The following COPG1 variants were observed in gnomAD, a reference collection of about 807,000 sequenced individuals.
COPG1 encodes coatomer subunit gamma-1.
A neutral mutation model predicts 102.8 loss-of-function variants in COPG1; 29 were observed. The observed-to-expected ratio is 0.28, with a 90% confidence interval of 0.21 to 0.38. COPG1 has a LOEUF of 0.38. Ranked by LOEUF, COPG1 falls within the 10% of genes least tolerant of loss-of-function variation. The pLI is 1.00. For synonymous variants in COPG1, 406 were observed against 421.6 expected (o/e 0.96, Z 0.45); for missense variants, 875 against 1,132.7 (o/e 0.77, Z 3.27).
In COPG1 at chr3:129,257,538, C is replaced by T. The variant is rs773819629; in HGVS notation, c.648C>T (p.Ser216=). Residue 216 remains serine (S), a synonymous_variant, in exon 9 of 24, where the codon AGC becomes AGT. Transcript: ENST00000314797. ...NDRLAVNKMI[S]KVTRHGLKSP... is the part of the protein sequence containing the mutation. ...GCCTAGCCGTCAATAAGATGATCAG[C>T]AAGGTCACACGGCATGGCCTTAAGT... The T allele has an allele frequency of 5.9e-5, 96 of 1,614,094 alleles. No homozygotes were observed. Among genetic ancestry groups the T allele is most frequent in the Non-Finnish European group, 7.8e-5 (92 of 1,180,052 alleles).
intron 5 of COPG1, among the ~76,000 whole-genome samples, chr3:129,253,745 C>G (rs1458937398): frequency 6.6e-6 from 1 of 151,410 alleles, no homozygotes; most frequent in Non-Finnish European, 1.5e-5. Flanking sequence ...AGCACTGTAT[C>G]CACAATGTAA....
chr3:129,257,490 G>A lies in COPG1; in HGVS notation c.600G>A (p.Leu200=). ...IMVQYHALGL[L]YHVRKNDRLA... ...TATAGTACCACGCACTAGGGCTCCTGTACCATGTGCGTAAGAATGACCGCC... is the reference window on the plus strand; with the variant it reads ...TATAGTACCACGCACTAGGGCTCCTATACCATGTGCGTAAGAATGACCGCC... The change falls in exon 9 of 24, where the codon CTG becomes CTA. Residue 200 remains leucine, a synonymous_variant. Coordinates refer to ENST00000314797, the MANE Select transcript of COPG1 (RefSeq NM_016128.4). 6.2e-7 allele frequency: 1 copy of A among 1,614,208 alleles called. No individual in the cohort carries two copies. The highest frequency in any genetic ancestry group is 8.5e-7 in the Non-Finnish European group (1 of 1,180,030).
In COPG1 at chr3:129,275,057, C is replaced by G; in HGVS notation, c.2395+81C>G. 6.4e-7 allele frequency: 1 copy of G among 1,551,448 alleles called. No homozygotes were observed. The stretch of plus-strand genomic sequence containing the variant: ...CTATTGAAGTGCTCATCCCTTTTCT[C>G]TCCAAGGATCCAGGGCCATGTCTGG... On this transcript the variant is annotated intron_variant, in intron 22 of 23. Coordinates refer to ENST00000314797, the MANE Select transcript of COPG1 (RefSeq NM_016128.4). The surrounding 1 kb of genome is among the most constrained non-coding windows in gnomAD (Gnocchi z 5.0).
intron 21 of COPG1, chr3:129,273,947 G>A (rs556894423): frequency 1.3e-5 from 6 of 448,218 alleles, no homozygotes; most frequent in South Asian, 7.9e-5. Context: ...GTGGCTCAGG[G>A]CCATCTGAGT....
intron 21 of COPG1, among the ~76,000 whole-genome samples, chr3:129,273,302 G>A (rs187990291): frequency 1.4e-4 from 21 of 152,336 alleles, no homozygotes; most frequent in African/African-American, 5.1e-4. Flanking sequence ...GGGATTACAG[G>A]CGTGAGCCAC....
At chr3:129,258,747 C>T (rs548513712) in intron 10 of COPG1, among the ~76,000 whole-genome samples, 19 of 152,260 alleles carry the variant, frequency 1.2e-4, no homozygotes, top group African/African-American at 4.3e-4. Context: ...TGAGCCACTG[C>T]GCCCAGCCGT....
intron 18 of COPG1, among the ~76,000 whole-genome samples, chr3:129,270,614 C>T (rs1047391677): frequency 5.3e-5 from 8 of 152,128 alleles, no homozygotes; most frequent in Non-Finnish European, 2.9e-5. Context: ...TTTTTATTGC[C>T]TGCATATTCA....
At chr3:129,269,838 A>G (rs920376208) in intron 18 of COPG1, among the ~76,000 whole-genome samples, 1 of 151,760 alleles carries the variant, frequency 6.6e-6, no homozygotes, top group African/African-American at 2.4e-5. Flanking sequence ...ACACATTTAT[A>G]ACCTTATAGC....
chr3:129,277,404 A>G lies in COPG1; in HGVS notation c.2605A>G (p.Ile869Val), dbSNP rs564649632. The change falls in exon 24 of 24, where the codon ATC (isoleucine) becomes GTC (valine). Residue 869 changes from isoleucine (I) to valine (V), a missense_variant. Physicochemically the swap from Ile to Val is conservative, Grantham distance 29. Coordinates refer to ENST00000314797, the MANE Select transcript of COPG1 (RefSeq NM_016128.4). ...RSLEELPVDI[I>V]LASVG The stretch of plus-strand genomic sequence containing the variant: ...TTTGGAGGAGCTGCCAGTAGACATC[A>G]TCTTGGCATCTGTGGGATAAGAGGC... 5 of 1,613,862 alleles carry G rather than the reference A, an allele frequency of 3.1e-6. No homozygotes were observed. The South Asian group carries it at 4.4e-5, about 14-fold the overall frequency.
rs1233061953 is a variant in COPG1 at position 129,260,402 on chromosome 3, T to TA, written c.939+4dup. On this transcript the variant is annotated splice_region_variant and intron_variant, in intron 11 of 23. Transcript: ENST00000314797. ...GCTGCTGTTCGTACCCTCAATAAGG[T>TA]AAGAGTCCAGCTTGGGGGTTGGAGG... 1 of 1,613,864 alleles carries TA rather than the reference T, an allele frequency of 6.2e-7. No individual in the cohort carries two copies. The highest frequency in any genetic ancestry group is 8.5e-7 in the Non-Finnish European group (1 of 1,179,810).
Position 129,277,435 on chromosome 3 carries a change from T to G in COPG1, c.*11T>G. 6.2e-7 allele frequency: 1 copy of G among 1,613,330 alleles called. No homozygotes were observed. Among genetic ancestry groups the G allele is most frequent in the Non-Finnish European group, 8.5e-7 (1 of 1,179,570 alleles). On this transcript the variant is annotated 3_prime_UTR_variant, in exon 24 of 24. Transcript: ENST00000314797. ...GCATCTGTGGGATAAGAGGCCAGCC[T>G]GCATAGGACCTCATACCCTTCCCCA...
At chr3:129,261,495 A>T (rs1018490073) in intron 12 of COPG1, among the ~76,000 whole-genome samples, 2 of 152,200 alleles carry the variant, frequency 1.3e-5, no homozygotes, top group African/African-American at 4.8e-5. Flanking sequence ...TGCAAGGAAG[A>T]CATTGGAAAG....
chr3:129,271,541 G>A lies in COPG1; in HGVS notation c.1844-226G>A, dbSNP rs953103186. ...CTTCTGAGGTCTTTCATGGTACAGA[G>A]ATGGGGAGAGTATTTGTGGGGGGTT... On this transcript the variant is annotated intron_variant, in intron 18 of 23. Coordinates refer to ENST00000314797, the MANE Select transcript of COPG1 (RefSeq NM_016128.4). This position sits in a 1 kb window ranked among gnomAD's most constrained non-coding sequence, Gnocchi z 4.7. Among the ~76,000 whole-genome samples the A allele has an allele frequency of 1.3e-5, 2 of 152,166 alleles. No individual in the cohort carries two copies. The highest frequency in any genetic ancestry group is 4.8e-5 in the African/African-American group (2 of 41,434).
At position 129,271,914 on chromosome 3, in the gene COPG1, G is replaced by T; in HGVS notation, c.1986+5G>T. 1 of 1,613,748 alleles carries T rather than the reference G, an allele frequency of 6.2e-7. No homozygotes were observed. The highest frequency in any genetic ancestry group is 8.5e-7 in the Non-Finnish European group (1 of 1,179,866). On this transcript the variant is annotated splice_donor_5th_base_variant and intron_variant, in intron 19 of 23. Coordinates refer to ENST00000314797, the MANE Select transcript of COPG1 (RefSeq NM_016128.4). The surrounding 1 kb of genome is among the most constrained non-coding windows in gnomAD (Gnocchi z 4.7). Reference sequence around the variant, plus strand: ...ACCAACCACATGGTTTTTCAGGTGAGCAAGGTGGGCTGAGGCCCTGCTGGG... The same window carrying T: ...ACCAACCACATGGTTTTTCAGGTGATCAAGGTGGGCTGAGGCCCTGCTGGG...
intron 7 of COPG1, 90 bp downstream of exon 7, chr3:129,255,167 G>GTTTCTTTC: frequency 3.7e-6 from 3 of 812,828 alleles, no homozygotes. Context: ...AAAAGAAAGT[G>GTTTCTTTC]TTTCTTTCTT....
At chr3:129,273,435 A>C (rs1291804835) in intron 21 of COPG1, among the ~76,000 whole-genome samples, 2 of 152,268 alleles carry the variant, frequency 1.3e-5, no homozygotes, top group Non-Finnish European at 2.9e-5. Flanking sequence ...AACATTACTC[A>C]TAATCCTTAG....
chr3:129,262,013 T>C (rs80036617), intron 12 of COPG1, among the ~76,000 whole-genome samples: 1,903 of 152,272 alleles, frequency 0.012, 30 homozygotes, highest in African/African-American at 0.043. Context: ...TAATATATTG[T>C]GGTAAATTCT....
chr3:129,259,752 A>T (rs1939889073), intron 10 of COPG1, among the ~76,000 whole-genome samples: 1 of 152,140 alleles, frequency 6.6e-6, no homozygotes, highest in Non-Finnish European at 1.5e-5. Flanking sequence ...CAAGGGAGGG[A>T]TATGGTACCC....
intron 23 of COPG1, 96 bp from the exon 24 acceptor site, chr3:129,277,198 A>C: frequency 2.6e-5 from 34 of 1,286,810 alleles, no homozygotes; most frequent in Non-Finnish European, 3.6e-5. Flanking sequence ...TCACTACACC[A>C]GAGCTGCCTT....
Sources: gnomAD v4.1 joint callset for allele counts (sites outside exome capture counted in the v4.1 genomes callset) on GRCh38, gnomAD v4.1.1 for gene constraint, Gnocchi (gnomAD v3.1) non-coding constraint, MANE v1.5 for transcripts, NCBI Gene and HGNC (gene_info 2026-07-23, HGNC 2026-07-21) for gene names.